Variants in MACROD2 observed in about 807,000 individuals in gnomAD.
MACROD2 encodes the protein ADP-ribose glycohydrolase MACROD2.
In MACROD2, 36 loss-of-function variants were observed where a neutral mutation model predicts 70.4. The ratio of observed to expected loss-of-function variants is 0.51; its 90% CI spans 0.39 to 0.68. The LOEUF is 0.68. Among genes scored for constraint, MACROD2 ranks in the 30% least tolerant of loss-of-function variants. MACROD2 has a pLI of 0.00. For missense variants in MACROD2, 496 were observed against 538.4 expected, an observed-to-expected ratio of 0.92 and a Z score of 0.78; for synonymous variants, 172 against 178.8, an observed-to-expected ratio of 0.96 and a Z score of 0.30.
At position 15,754,951 on chromosome 20, in the gene MACROD2, C is replaced by G. The variant is rs547809082; in HGVS notation, c.646-107794C>G. On this transcript the variant is annotated intron_variant, in intron 8 of 17. Coordinates refer to ENST00000684519, the MANE Select transcript of MACROD2 (RefSeq NM_001351661.2). The stretch of plus-strand genomic sequence containing the variant: ...TTGGCTCACTGCAACCTCTGCCTCC[C>G]AGGTTTAAGCGATTCTCCTACCTTA... Among the ~76,000 whole-genome samples the G allele has an allele frequency of 1.5e-4, 23 of 151,982 alleles. No homozygotes were observed. The South Asian group carries it at 4.4e-3, about 29-fold the overall frequency.
chr20:14,793,562 A>C (rs114813147), intron 5 of MACROD2, among the ~76,000 whole-genome samples: 2,047 of 152,108 alleles, frequency 0.013, 48 homozygotes, highest in African/African-American at 0.047. Flanking sequence ...AAAGGTTAAC[A>C]TAGGGAATCG....
At chr20:15,351,854 T>A (rs2078230966) in intron 6 of MACROD2, among the ~76,000 whole-genome samples, 1 of 152,212 alleles carries the variant, frequency 6.6e-6, no homozygotes, top group Non-Finnish European at 1.5e-5. Flanking sequence ...CCACAGACTT[T>A]TCTTGGAGAA....
intron 4 of MACROD2, among the ~76,000 whole-genome samples, chr20:14,598,143 A>G (rs1213040608): frequency 1.3e-5 from 2 of 152,150 alleles, no homozygotes; most frequent in East Asian, 1.9e-4. Flanking sequence ...CATTTCTACA[A>G]GCACTATGTT....
At chr20:15,520,990 T>C (rs2047645245) in intron 8 of MACROD2, among the ~76,000 whole-genome samples, 1 of 152,238 alleles carries the variant, frequency 6.6e-6, no homozygotes, top group Non-Finnish European at 1.5e-5. Context: ...ATACATTTAA[T>C]GGCAAGTGGG....
At chr20:15,785,449 A>G (rs2051909336) in intron 8 of MACROD2, among the ~76,000 whole-genome samples, 1 of 152,182 alleles carries the variant, frequency 6.6e-6, no homozygotes, top group African/African-American at 2.4e-5. Context: ...AGACGTATCT[A>G]AGAATTCTTT....
intron 3 of MACROD2, among the ~76,000 whole-genome samples, chr20:14,232,055 G>A (rs895306163): frequency 6.6e-6 from 1 of 152,148 alleles, no homozygotes; most frequent in Non-Finnish European, 1.5e-5. Flanking sequence ...TTTGTCAGAT[G>A]AGTAGATTGC....
chr20:14,240,117 T>C (rs1317382681), intron 3 of MACROD2, among the ~76,000 whole-genome samples: 4 of 152,008 alleles, frequency 2.6e-5, no homozygotes, highest in African/African-American at 9.7e-5. Context: ...AGAGAAACAA[T>C]AATCAACAAC....
intron 5 of MACROD2, among the ~76,000 whole-genome samples, chr20:15,216,681 A>T (rs2076813333): frequency 6.6e-6 from 1 of 152,162 alleles, no homozygotes; most frequent in Non-Finnish European, 1.5e-5. Context: ...CGGTAAGCTG[A>T]CTGTGACAGC....
chr20:15,193,479 C>A (rs2076585096), intron 5 of MACROD2, among the ~76,000 whole-genome samples: 1 of 151,932 alleles, frequency 6.6e-6, no homozygotes, highest in African/African-American at 2.4e-5. Flanking sequence ...CCCATGCCTA[C>A]AAATATAAAA....
chr20:14,802,706 A>C (rs1309149879), intron 5 of MACROD2, among the ~76,000 whole-genome samples: 2 of 151,902 alleles, frequency 1.3e-5, no homozygotes, highest in Non-Finnish European at 2.9e-5. Flanking sequence ...ACAAATGATT[A>C]TCTCTCGTGT....
At chr20:15,221,022 G>C (rs182140818) in intron 5 of MACROD2, among the ~76,000 whole-genome samples, 14 of 152,282 alleles carry the variant, frequency 9.2e-5, no homozygotes, top group Non-Finnish European at 1.2e-4. Context: ...GCATCAGCCT[G>C]CGTGTCCCGA....
At position 14,379,610 on chromosome 20, in the gene MACROD2, C is replaced by T. The variant is rs370660615; in HGVS notation, c.272-113869C>T. ...CTGTAATGAGTAAACAATAATTCCC[C>T]ATTTTTACCTTACCCTCAGCCCCTG... is the stretch of plus-strand genomic sequence containing the variant. On this transcript the variant is annotated intron_variant, in intron 3 of 17. Transcript: ENST00000684519. Among the ~76,000 whole-genome samples the T allele has an allele frequency of 1.7e-4, 26 of 152,148 alleles. 1 individual carries two copies. The highest frequency in any genetic ancestry group is 5.5e-4 in the African/African-American group (23 of 41,524).
chr20:14,770,339 G>A (rs1191580209), intron 5 of MACROD2, among the ~76,000 whole-genome samples: 2 of 151,890 alleles, frequency 1.3e-5, no homozygotes, highest in African/African-American at 4.8e-5. Context: ...AGGAGAGGGA[G>A]GTGGTAGAAA....
At chr20:14,138,432 A>G (rs1285115862) in intron 3 of MACROD2, among the ~76,000 whole-genome samples, 1 of 152,202 alleles carries the variant, frequency 6.6e-6, no homozygotes, top group Non-Finnish European at 1.5e-5. Context: ...CAGCCTTTAA[A>G]AAAAAGGAAA....
At chr20:15,475,073 A>G (rs1276281912) in intron 7 of MACROD2, among the ~76,000 whole-genome samples, 1 of 152,240 alleles carries the variant, frequency 6.6e-6, no homozygotes, top group East Asian at 1.9e-4. Flanking sequence ...AGAATATAGT[A>G]TAGCAACTAT....
intron 6 of MACROD2, among the ~76,000 whole-genome samples, chr20:15,284,006 G>GTA (rs1290000052): frequency 6.6e-6 from 1 of 151,720 alleles, no homozygotes; most frequent in African/African-American, 2.4e-5. Flanking sequence ...AAATATCACC[G>GTA]TATATATATT....
intron 8 of MACROD2, among the ~76,000 whole-genome samples, chr20:15,834,180 C>T (rs6043567): frequency 0.043 from 6,553 of 152,094 alleles, 269 homozygotes; most frequent in African/African-American, 0.1. Context: ...TATTTAAACA[C>T]GCTGCAAAAA....
At chr20:15,148,595 G>C (rs901941091) in intron 5 of MACROD2, among the ~76,000 whole-genome samples, 1 of 152,026 alleles carries the variant, frequency 6.6e-6, no homozygotes, top group Non-Finnish European at 1.5e-5. Context: ...AGTATGACTA[G>C]ACAGAAAACA....
intron 8 of MACROD2, among the ~76,000 whole-genome samples, chr20:15,685,326 A>C (rs1293885118): frequency 6.6e-6 from 1 of 152,180 alleles, no homozygotes; most frequent in Non-Finnish European, 1.5e-5. Context: ...AGGAATTGTA[A>C]TGATCTGCTT....
Sources: gnomAD v4.1 joint callset for allele counts (sites outside exome capture counted in the v4.1 genomes callset) on GRCh38, gnomAD v4.1.1 for gene constraint, MANE v1.5 for transcripts, NCBI Gene and HGNC (gene_info 2026-07-23, HGNC 2026-07-21) for gene names.